The following LRPPRC variants were observed in gnomAD, a reference collection of about 807,000 sequenced individuals.
LRPPRC encodes leucine-rich PPR motif-containing protein, mitochondrial.
In LRPPRC, 120 loss-of-function variants were observed where a neutral mutation model predicts 180.3. The observed-to-expected ratio is 0.67, with a 90% CI of 0.57 to 0.77. LRPPRC has a LOEUF of 0.77. Among genes scored for constraint, LRPPRC ranks in the 30% least tolerant of loss-of-function variants. The pLI is 0.00. For synonymous variants in LRPPRC, 723 were observed against 600.0 expected, an observed-to-expected ratio of 1.21 and a Z score of -3.00; for missense variants, 2,012 against 1,657.2, an observed-to-expected ratio of 1.21 and a Z score of -3.72.
rs2103736174 is a variant in LRPPRC at position 43,979,961 on chromosome 2, G to C, written c.347-13C>G. 6.2e-7 allele frequency: 1 copy of C among 1,612,448 alleles called. No homozygotes were observed. On this transcript the variant is annotated splice_polypyrimidine_tract_variant and intron_variant, in intron 2 of 37. Transcript: ENST00000260665. ...CCACCTAGGCCACCTGTGGAAAAAAGGTTAATGGATAACATTTAACATAGC... is the reference window on the plus strand; with the variant it reads ...CCACCTAGGCCACCTGTGGAAAAAACGTTAATGGATAACATTTAACATAGC...
intron 13 of LRPPRC, among the ~76,000 whole-genome samples, chr2:43,957,997 A>G (rs1673192502): frequency 6.6e-6 from 1 of 152,238 alleles, no homozygotes; most frequent in African/African-American, 2.4e-5. Flanking sequence ...CCGTTATGTA[A>G]TTGACTTATA....
intron 1 of LRPPRC, 68 bp from the exon 2 acceptor site, chr2:43,982,502 TAAAC>T (rs1674357742): frequency 1.6e-5 from 20 of 1,215,326 alleles, no homozygotes; most frequent in South Asian, 3.8e-5. Context: ...GAACAAAACT[TAAAC>T]AAATTTTAAA....
rs1673911536 is a variant in LRPPRC at position 43,973,560 on chromosome 2, T to C, written c.1369+47A>G. On this transcript the variant is annotated intron_variant, in intron 11 of 37. Coordinates refer to ENST00000260665, the MANE Select transcript of LRPPRC (RefSeq NM_133259.4). ...AATTAGATGTGCGTGCAAACTGTCATACTGGCTCTGGGAACCATTACAAAT... is the reference window on the plus strand; with the variant it reads ...AATTAGATGTGCGTGCAAACTGTCACACTGGCTCTGGGAACCATTACAAAT... 3 of 1,200,506 alleles carry C rather than the reference T, an allele frequency of 2.5e-6. No individual in the cohort carries two copies. In the South Asian group the frequency reaches 3.6e-5, roughly 14 times the overall value. The allele number at this position is 1,200,506 out of a possible 1,614,324, so 74.4% of individuals were successfully genotyped here. A position where few individuals can be genotyped will look rare whatever the true frequency, so the allele number is the denominator to read the frequency against.
At chr2:43,972,294 T>C (rs1365836734) in intron 11 of LRPPRC, among the ~76,000 whole-genome samples, 3 of 152,170 alleles carry the variant, frequency 2.0e-5, no homozygotes, top group African/African-American at 4.8e-5. Flanking sequence ...TAAGACAAGA[T>C]GGATTTGAGA....
intron 3 of LRPPRC, among the ~76,000 whole-genome samples, chr2:43,979,066 T>C (rs1030175100): frequency 6.6e-6 from 1 of 152,130 alleles, no homozygotes; most frequent in African/African-American, 2.4e-5. Context: ...TACTTTAAGA[T>C]TTTTTTAAAT....
rs1041640799 is a variant in LRPPRC, at chr2:43,963,768, G to C, written c.1370-62C>G. 3 of 893,224 alleles carry C rather than the reference G, an allele frequency of 3.4e-6. No individual in the cohort carries two copies. The East Asian group carries it at 7.2e-5, about 21-fold the overall frequency. The allele number at this position is 893,224 out of a possible 1,614,324, so 55.3% of individuals were successfully genotyped here. A position where few individuals can be genotyped will look rare whatever the true frequency, so the allele number is the denominator to read the frequency against. On this transcript the variant is annotated intron_variant, in intron 11 of 37. Transcript: ENST00000260665. ...CTTAGAATAAAGTAAGAAAAGATCGGTAAGTTCAGTTCAATTATTTTCTGA... is the reference window on the plus strand; with the variant it reads ...CTTAGAATAAAGTAAGAAAAGATCGCTAAGTTCAGTTCAATTATTTTCTGA...
At chr2:43,995,551 G>C (rs933968971) in intron 1 of LRPPRC, among the ~76,000 whole-genome samples, 1 of 152,216 alleles carries the variant, frequency 6.6e-6, no homozygotes, top group African/African-American at 2.4e-5. Context: ...GTAAGGTCCA[G>C]GCTGAAGTGG....
intron 25 of LRPPRC, among the ~76,000 whole-genome samples, chr2:43,932,831 A>T (rs571366021): frequency 2.0e-5 from 3 of 152,226 alleles, no homozygotes; most frequent in Admixed American, 1.3e-4. Context: ...AAGCAGGTAG[A>T]TGGCAAAACA....
chr2:43,912,507 G>C lies in LRPPRC; in HGVS notation c.3200C>G (p.Ala1067Gly), dbSNP rs575850382. ...NAKEQNIVFN[A>G]ETYSNLIKLL... ...TTTAATGAGATTGCTGTAGGTTTCAGCATTAAACACAATGTTTTGCTCTTT... is the reference window on the plus strand; with the variant it reads ...TTTAATGAGATTGCTGTAGGTTTCACCATTAAACACAATGTTTTGCTCTTT... The change falls in exon 30 of 38, where the codon GCT becomes GGT. Residue 1067 changes from alanine to glycine, a missense_variant. By Grantham distance (60) the Ala-to-Gly change is moderately conservative (BLOSUM62 0). Coordinates refer to ENST00000260665, the MANE Select transcript of LRPPRC (RefSeq NM_133259.4). The C allele has an allele frequency of 4.4e-6, 7 of 1,600,224 alleles. No individual in the cohort carries two copies. The African/African-American group carries it at 5.4e-5, about 12-fold the overall frequency.
chr2:43,931,766 C>T (rs1382669579), intron 25 of LRPPRC, among the ~76,000 whole-genome samples: 4 of 152,052 alleles, frequency 2.6e-5, no homozygotes, highest in East Asian at 1.9e-4. Flanking sequence ...TAGAGAATCT[C>T]CTGTCATGAA....
chr2:43,975,637 C>G (rs1334622687), intron 6 of LRPPRC, among the ~76,000 whole-genome samples: 1 of 151,350 alleles, frequency 6.6e-6, no homozygotes, highest in Non-Finnish European at 1.5e-5. Context: ...GGCTGGAGTG[C>G]AATGGTGTAA....
chr2:43,974,256 A>C lies in LRPPRC; in HGVS notation c.1049T>G (p.Leu350Trp). The C allele has an allele frequency of 1.9e-6, 3 of 1,612,146 alleles. No individual in the cohort carries two copies. The highest frequency in any genetic ancestry group is 2.5e-6 in the Non-Finnish European group (3 of 1,178,198). ...NLILLLVTEK[L>W]EDVALQILLA... ...TAAAATTTGCAACGCTACATCTTCC[A>C]ATTTTTCAGTGACTAAAAGTAAAAT... The change falls in exon 9 of 38, where the codon TTG becomes TGG. Residue 350 changes from leucine (L) to tryptophan (W), a missense_variant. Physicochemically the swap from Leu to Trp is moderately conservative, Grantham distance 61. Coordinates refer to ENST00000260665, the MANE Select transcript of LRPPRC (RefSeq NM_133259.4).
In LRPPRC at chr2:43,888,325, C is replaced by A; in HGVS notation, c.*275G>T. 5.6e-6 allele frequency: 2 copies of A among 360,162 alleles called. No homozygotes were observed. The highest frequency in any genetic ancestry group is 1.0e-5 in the Non-Finnish European group (2 of 192,828). 22.3% of individuals were successfully genotyped at this position (360,162 alleles called of 1,614,324 possible). ...AATAAATGAAACAGAGCAGGGAAAC[C>A]AAAGAGCCAATTAGGGGAAGAATCC... On this transcript the variant is annotated 3_prime_UTR_variant, in exon 38 of 38. Transcript: ENST00000260665.
chr2:43,944,214 T>C (rs542497539), intron 22 of LRPPRC, among the ~76,000 whole-genome samples: 1 of 152,172 alleles, frequency 6.6e-6, no homozygotes, highest in African/African-American at 2.4e-5. Flanking sequence ...AGCTAACATC[T>C]GCTAAATCAC....
At chr2:43,989,179 C>G (rs1674664148) in intron 1 of LRPPRC, among the ~76,000 whole-genome samples, 1 of 152,182 alleles carries the variant, frequency 6.6e-6, no homozygotes, top group African/African-American at 2.4e-5. Context: ...TTTTATAAAA[C>G]TAAGTCACAA....
intron 21 of LRPPRC, 69 bp downstream of exon 21, chr2:43,946,044 T>C (rs1045034732): frequency 2.9e-5 from 42 of 1,464,762 alleles, no homozygotes; most frequent in Non-Finnish European, 3.7e-5. Context: ...ATATTCCATC[T>C]AGATAATCTA....
chr2:43,899,298 G>A lies in LRPPRC; in HGVS notation c.3746C>T (p.Ala1249Val). 6.2e-7 allele frequency: 1 copy of A among 1,614,054 alleles called. No individual in the cohort carries two copies. Among genetic ancestry groups the A allele is most frequent in the Non-Finnish European group, 8.5e-7 (1 of 1,179,940 alleles). Residue 1249 changes from alanine (A) to valine (V), a missense_variant, in exon 34 of 38, where the codon GCA becomes GTA. Ala to Val is a moderately conservative substitution (Grantham distance 64). Coordinates refer to ENST00000260665, the MANE Select transcript of LRPPRC (RefSeq NM_133259.4). ...AAAATCAGTGACAGGTTTATAAATTGCAAACTGATTGGCCAATCTCTCCGC... is the reference window on the plus strand; with the variant it reads ...AAAATCAGTGACAGGTTTATAAATTACAAACTGATTGGCCAATCTCTCCGC... Reference protein sequence around the residue: ...IMAERLANQFAIYKPVTDFFL... With the variant: ...IMAERLANQFVIYKPVTDFFL...
At chr2:43,915,189 C>G (rs1396280923) in intron 29 of LRPPRC, among the ~76,000 whole-genome samples, 1 of 145,112 alleles carries the variant, frequency 6.9e-6, no homozygotes, top group East Asian at 2.0e-4. Context: ...GCCTGGGCAA[C>G]AGAACAAGAC....
chr2:43,894,604 T>C lies in LRPPRC; in HGVS notation c.3926A>G (p.Glu1309Gly), dbSNP rs1456693302. Residue 1309 changes from glutamate to glycine, a missense_variant, in exon 36 of 38, where the codon GAA becomes GGA. Transcript: ENST00000260665. Reference protein sequence around the residue: ...GKASTVKSVLELIPELNEKEE... With the variant: ...GKASTVKSVLGLIPELNEKEE... ...CTTTTCATTTAATTCAGGAATCAAT[T>C]CTAACACAGATTTCACAGTTGATGC... is the stretch of plus-strand genomic sequence containing the variant. 6.3e-7 allele frequency: 1 copy of C among 1,580,794 alleles called. No homozygotes were observed. The highest frequency in any genetic ancestry group is 8.7e-7 in the Non-Finnish European group (1 of 1,149,930).
Sources: gnomAD v4.1 joint callset for allele counts (sites outside exome capture counted in the v4.1 genomes callset) on GRCh38, gnomAD v4.1.1 for gene constraint, MANE v1.5 for transcripts, NCBI Gene and HGNC (gene_info 2026-07-23, HGNC 2026-07-21) for gene names.